The following TEX9 variants were observed in gnomAD, a reference collection of about 807,000 sequenced individuals.
TEX9 encodes testis expressed 9.
A neutral mutation model predicts 59.6 loss-of-function variants in TEX9; 74 were observed. That is an observed-to-expected ratio of 1.24 (90% CI 1.03 to 1.51). The LOEUF is 1.51. TEX9 is among the 40% of genes most tolerant of loss of function. The pLI, the probability that TEX9 is intolerant of heterozygous loss-of-function variation, is 0.00. For synonymous variants in TEX9, 186 were observed against 152.2 expected (o/e 1.22, Z -1.64); for missense variants, 522 against 447.8 (o/e 1.17, Z -1.49).
chr15:56,445,919 G>A (rs1379818995), downstream of TEX9: 1 of 152,002 alleles, frequency 6.6e-6, no homozygotes, highest in African/African-American at 2.4e-5. Context: ...AAAGGACAGC[G>A]CTATATGGCT....
intron 1 of TEX9, among the ~76,000 whole-genome samples, chr15:56,286,278 A>G (rs184740742): frequency 6.2e-4 from 95 of 152,302 alleles, no homozygotes; most frequent in Admixed American, 1.7e-3. Flanking sequence ...TTTCCTAGGC[A>G]TAAATGGCAT....
At chr15:56,384,946 G>T (rs1315159024) in intron 4 of TEX9, among the ~76,000 whole-genome samples, 2 of 151,934 alleles carry the variant, frequency 1.3e-5, no homozygotes, top group African/African-American at 2.4e-5. Context: ...GAGTCACAAA[G>T]ATTTACGACC....
At chr15:56,442,820 C>T (rs797066) in intron 12 of TEX9, among the ~76,000 whole-genome samples, 4,639 of 151,962 alleles carry the variant, frequency 0.031, 180 homozygotes, top group East Asian at 0.093. Flanking sequence ...AATAATGTTA[C>T]ACCAAATCCC....
chr15:56,341,353 C>G (rs1225716333), intron 1 of TEX9, among the ~76,000 whole-genome samples: 8 of 152,168 alleles, frequency 5.3e-5, no homozygotes, highest in African/African-American at 1.9e-4. Flanking sequence ...CCATTGCACT[C>G]AACCACAGTT....
chr15:56,341,127 G>A (rs1039072602), intron 1 of TEX9, among the ~76,000 whole-genome samples: 3 of 152,104 alleles, frequency 2.0e-5, no homozygotes, highest in African/African-American at 7.2e-5. Context: ...GAAGATGAGG[G>A]TTTCTTTAAT....
At chr15:56,296,550 G>A (rs1291958113) in intron 1 of TEX9, among the ~76,000 whole-genome samples, 2 of 152,082 alleles carry the variant, frequency 1.3e-5, no homozygotes, top group Admixed American at 1.3e-4. Flanking sequence ...ATCTCTTTCG[G>A]CTACAATATC....
At chr15:56,280,012 A>C (rs1163006394) in intron 1 of TEX9, among the ~76,000 whole-genome samples, 3 of 152,252 alleles carry the variant, frequency 2.0e-5, no homozygotes, top group African/African-American at 7.2e-5. Flanking sequence ...GTGTATTCAT[A>C]AGGGCAAACA....
At chr15:56,378,928 G>A (rs1040443048) in intron 3 of TEX9, among the ~76,000 whole-genome samples, 1 of 151,894 alleles carries the variant, frequency 6.6e-6, no homozygotes, top group Non-Finnish European at 1.5e-5. Flanking sequence ...GTCAGATGTG[G>A]TGGTGCACGC....
chr15:56,334,032 G>T (rs893649644), intron 1 of TEX9, among the ~76,000 whole-genome samples: 22 of 152,026 alleles, frequency 1.4e-4, no homozygotes, highest in Admixed American at 1.4e-3. Context: ...AAAATGGAAA[G>T]ATATTTCATG....
chr15:56,408,052 C>A (rs1272113921), intron 9 of TEX9, among the ~76,000 whole-genome samples: 3 of 152,182 alleles, frequency 2.0e-5, no homozygotes. Flanking sequence ...TTCATAGAAT[C>A]ATTCATATAT....
intron 1 of TEX9, among the ~76,000 whole-genome samples, chr15:56,272,425 T>A (rs2044557871): frequency 6.6e-6 from 1 of 152,262 alleles, no homozygotes; most frequent in African/African-American, 2.4e-5. Context: ...TTCATCTGTG[T>A]TGTAGCATGT....
intron 1 of TEX9, among the ~76,000 whole-genome samples, chr15:56,347,056 A>G (rs1428457538): frequency 6.6e-6 from 1 of 152,234 alleles, no homozygotes; most frequent in African/African-American, 2.4e-5. Context: ...TGAAATCTGC[A>G]CAAACACTGA....
At chr15:56,397,889 T>C (rs909666629) in intron 9 of TEX9, 4 of 152,878 alleles carry the variant, frequency 2.6e-5, no homozygotes, top group East Asian at 3.8e-4. Flanking sequence ...TCCCCAGCCA[T>C]GTGAAACTGT....
At chr15:56,456,300 C>T in the TEX9 span, 2 of 1,172,608 alleles carry the variant, frequency 1.7e-6, no homozygotes, top group Non-Finnish European at 2.3e-6. Flanking sequence ...AGTGAAATGA[C>T]ATAAACAAAG....
intron 12 of TEX9, chr15:56,428,485 A>G (rs2050437145): frequency 7.4e-7 from 1 of 1,351,058 alleles, no homozygotes; most frequent in Non-Finnish European, 1.1e-6. Context: ...TATGTGATGG[A>G]TACCCATTTT....
chr15:56,450,883 C>A (rs1039640245), downstream of TEX9, among the ~76,000 whole-genome samples: 2 of 152,170 alleles, frequency 1.3e-5, no homozygotes, highest in East Asian at 3.8e-4. Flanking sequence ...TTCCCACTTT[C>A]TTGGCAATAC....
chr15:56,443,697 C>G (rs1410058640), intron 12 of TEX9: 2 of 1,613,398 alleles, frequency 1.2e-6, no homozygotes, highest in Non-Finnish European at 1.7e-6. Flanking sequence ...ATCCGATCTT[C>G]TTCTCTTTGC....
chr15:56,308,902 G>T lies in TEX9; in HGVS notation c.-106-64539G>T, dbSNP rs1275092686. Among the ~76,000 whole-genome samples the T allele has an allele frequency of 2.0e-5, 3 of 152,090 alleles. No individual in the cohort carries two copies. In the East Asian group the frequency reaches 5.8e-4, roughly 29 times the overall value. ...CCTGTATTCCCAGTTCTTTACCATTGATCTGTATATTTAATCTTATGCCAG... is the reference window on the plus strand; with the variant it reads ...CCTGTATTCCCAGTTCTTTACCATTTATCTGTATATTTAATCTTATGCCAG... On this transcript the variant is annotated intron_variant, in intron 1 of 5. Coordinates refer to the TEX9 transcript ENST00000560827.
intron 1 of TEX9, among the ~76,000 whole-genome samples, chr15:56,262,904 A>G (rs1490490717): frequency 6.6e-6 from 1 of 152,214 alleles, no homozygotes; most frequent in Non-Finnish European, 1.5e-5. Context: ...TTTGTCTGAT[A>G]TTAATATAAC....
Sources: gnomAD v4.1 joint callset for allele counts (sites outside exome capture counted in the v4.1 genomes callset) on GRCh38, gnomAD v4.1.1 for gene constraint, MANE v1.5 for transcripts, NCBI Gene and HGNC (gene_info 2026-07-23, HGNC 2026-07-21) for gene names.